The following CLEC16A variants were observed in gnomAD, a reference collection of about 807,000 sequenced individuals.
CLEC16A encodes protein CLEC16A.
CLEC16A carries 51 observed loss-of-function variants against 109.5 expected under a neutral mutation model. The ratio of observed to expected loss-of-function variants is 0.47; its 90% CI spans 0.37 to 0.59. CLEC16A has a LOEUF of 0.59. Among genes scored for constraint, CLEC16A ranks in the 20% least tolerant of loss-of-function variants. The pLI is 0.00. For missense variants in CLEC16A, 1,339 were observed against 1,394.0 expected, an observed-to-expected ratio of 0.96 and a Z score of 0.63; for synonymous variants, 673 against 564.2, an observed-to-expected ratio of 1.19 and a Z score of -2.73.
intron 10 of CLEC16A, among the ~76,000 whole-genome samples, chr16:10,989,316 G>C (rs994143292): frequency 6.6e-6 from 1 of 152,128 alleles, no homozygotes; most frequent in East Asian, 1.9e-4. Context: ...AGCCTCCCCA[G>C]GTCAAACGAT....
chr16:10,969,556 C>A (rs956330248), intron 4 of CLEC16A, among the ~76,000 whole-genome samples: 2 of 152,232 alleles, frequency 1.3e-5, no homozygotes, highest in African/African-American at 4.8e-5. Flanking sequence ...CTATGTTTCC[C>A]AGGTTGGCCT....
chr16:10,987,784 G>A (rs1006845258), intron 10 of CLEC16A, among the ~76,000 whole-genome samples: 2 of 152,126 alleles, frequency 1.3e-5, no homozygotes, highest in Non-Finnish European at 2.9e-5. Flanking sequence ...ACTCGGATGT[G>A]GTTTGATTAT....
At chr16:11,044,152 A>G in intron 16 of CLEC16A, 80 bp downstream of exon 16, 7 of 1,242,002 alleles carry the variant, frequency 5.6e-6, no homozygotes, top group Non-Finnish European at 7.8e-6. Flanking sequence ...CTATGCAGAT[A>G]AACGTTATAT....
chr16:11,038,559 ACAACAGGG>A (rs2047150315), intron 13 of CLEC16A, among the ~76,000 whole-genome samples: 1 of 152,176 alleles, frequency 6.6e-6, no homozygotes, highest in Non-Finnish European at 1.5e-5. Flanking sequence ...AGGAGAAATG[ACAACAGGG>A]CTCAAAGTCA....
chr16:10,976,544 G>T (rs550057081), intron 7 of CLEC16A, among the ~76,000 whole-genome samples: 2 of 152,130 alleles, frequency 1.3e-5, no homozygotes, highest in Non-Finnish European at 2.9e-5. Flanking sequence ...TTAATTTGCT[G>T]TTGTCAAAAA....
At chr16:11,063,800 T>C (rs1266105642) in intron 19 of CLEC16A, among the ~76,000 whole-genome samples, 4 of 152,000 alleles carry the variant, frequency 2.6e-5, no homozygotes, top group South Asian at 4.1e-4. Flanking sequence ...CTGGTCATGC[T>C]TAAAGTGAAG....
At chr16:11,035,699 A>G (rs1365722731) in intron 13 of CLEC16A, among the ~76,000 whole-genome samples, 2 of 152,210 alleles carry the variant, frequency 1.3e-5, no homozygotes, top group African/African-American at 4.8e-5. Flanking sequence ...GATGGTCACC[A>G]TTTCTTCAGA....
In CLEC16A at chr16:11,123,737, T is replaced by A; in HGVS notation, c.2269-5T>A. On this transcript the variant is annotated splice_polypyrimidine_tract_variant and splice_region_variant and intron_variant, in intron 20 of 23. Transcript: ENST00000409790. ...ATGCCTTTTCCTTTGCTTCTCACTG[T>A]GCAGGACATGCAGGTGACTGGCGTG... 2 of 1,614,066 alleles carry A rather than the reference T, an allele frequency of 1.2e-6. No homozygotes were observed. Among genetic ancestry groups the A allele is most frequent in the Admixed American group, 1.7e-5 (1 of 60,038 alleles).
intron 9 of CLEC16A, 123 bp downstream of exon 9, chr16:10,979,505 A>G (rs576725348): frequency 1.6e-5 from 13 of 817,324 alleles, no homozygotes; most frequent in Non-Finnish European, 2.6e-5. Context: ...CTGGAGTAAA[A>G]TAACAGCAAA....
chr16:11,148,067 T>C (rs1272039766), intron 22 of CLEC16A, among the ~76,000 whole-genome samples: 1 of 152,224 alleles, frequency 6.6e-6, no homozygotes, highest in Non-Finnish European at 1.5e-5. Flanking sequence ...TTTCATACCT[T>C]TCCAGAAATC....
chr16:10,995,918 C>G (rs1343946062), intron 10 of CLEC16A, among the ~76,000 whole-genome samples: 1 of 152,174 alleles, frequency 6.6e-6, no homozygotes, highest in Non-Finnish European at 1.5e-5. Context: ...CCTAGGAGAG[C>G]CTGGAAGGGT....
At chr16:10,992,468 A>G (rs965764113) in intron 10 of CLEC16A, among the ~76,000 whole-genome samples, 3 of 151,944 alleles carry the variant, frequency 2.0e-5, no homozygotes, top group African/African-American at 7.2e-5. Context: ...TGATCATTAC[A>G]TGACGTACAC....
intron 22 of CLEC16A, among the ~76,000 whole-genome samples, chr16:11,154,974 T>G (rs1301722661): frequency 6.6e-6 from 1 of 150,868 alleles, no homozygotes; most frequent in African/African-American, 2.4e-5. Flanking sequence ...AACAGAAAAA[T>G]TACCCAGGTG....
intron 19 of CLEC16A, among the ~76,000 whole-genome samples, chr16:11,075,402 G>GTGTC (rs1555478871): frequency 2.5e-4 from 35 of 138,020 alleles, no homozygotes; most frequent in South Asian, 2.1e-3. Context: ...GTGTGTGTGT[G>GTGTC]TGTGTGTGTC....
intron 11 of CLEC16A, 25 bp from the exon 12 acceptor site, chr16:11,020,168 T>G: frequency 6.2e-7 from 1 of 1,600,858 alleles, no homozygotes; most frequent in Middle Eastern, 1.7e-4. Flanking sequence ...TCTGGACTCA[T>G]CCCAGTCTCC....
At chr16:11,129,856 G>A (rs893079898) in intron 22 of CLEC16A, among the ~76,000 whole-genome samples, 11 of 150,536 alleles carry the variant, frequency 7.3e-5, no homozygotes, top group South Asian at 2.1e-4. Flanking sequence ...TCCGCCTCCC[G>A]GGTTCACACC....
chr16:10,960,744 C>G (rs554784900), intron 2 of CLEC16A, among the ~76,000 whole-genome samples: 2 of 152,308 alleles, frequency 1.3e-5, no homozygotes, highest in Admixed American at 6.5e-5. Context: ...TCTCTTCTCT[C>G]TCATTTATGC....
Position 10,969,169 on chromosome 16 carries a change from C to A in CLEC16A, c.352C>A (p.Leu118Ile). Residue 118 changes from leucine to isoleucine, a missense_variant, in exon 4 of 24, where the codon CTC (leucine) becomes ATC (isoleucine). Physicochemically the swap from Leu to Ile is conservative, Grantham distance 5. Coordinates refer to ENST00000409790, the MANE Select transcript of CLEC16A (RefSeq NM_015226.3). ...TTTTTTTCTCCCTCTAGATTATTTGCTCTCAAATAACTACGTAAATTCTAT... is the reference window on the plus strand; with the variant it reads ...TTTTTTTCTCCCTCTAGATTATTTGATCTCAAATAACTACGTAAATTCTAT... ...ISHETSLYYL[L>I]SNNYVNSIIV... The A allele has an allele frequency of 6.2e-7, 1 of 1,607,768 alleles. No individual in the cohort carries two copies.
chr16:10,994,672 C>G (rs1368102102), intron 10 of CLEC16A, among the ~76,000 whole-genome samples: 1 of 152,058 alleles, frequency 6.6e-6, no homozygotes, highest in Non-Finnish European at 1.5e-5. Flanking sequence ...CCACTGCACT[C>G]CAGCCTGGGT....
Sources: gnomAD v4.1 joint callset for allele counts (sites outside exome capture counted in the v4.1 genomes callset) on GRCh38, gnomAD v4.1.1 for gene constraint, MANE v1.5 for transcripts, NCBI Gene and HGNC (gene_info 2026-07-23, HGNC 2026-07-21) for gene names.